Variants in DPF3 observed in about 807,000 individuals in gnomAD.
The protein encoded by DPF3 is double PHD fingers 3.
DPF3 carries 18 observed loss-of-function variants against 56.8 expected under a neutral mutation model. The ratio of observed to expected loss-of-function variants is 0.32; its 90% confidence interval spans 0.22 to 0.47. DPF3 has a LOEUF of 0.47. DPF3 is among the 20% of genes least tolerant of loss of function. The probability of loss-of-function intolerance (pLI) is 1.00; values close to 1 mark genes in which losing one functional copy is unlikely to be tolerated. For synonymous variants in DPF3, 188 were observed against 180.2 expected, an observed-to-expected ratio of 1.04 and a Z score of -0.35; for missense variants, 403 against 488.8, an observed-to-expected ratio of 0.82 and a Z score of 1.65.
chr14:72,805,307 C>T (rs537276366), intron 1 of DPF3, among the ~76,000 whole-genome samples: 90 of 151,708 alleles, frequency 5.9e-4, no homozygotes, highest in African/African-American at 2.1e-3. Flanking sequence ...CCTGTCTCTA[C>T]TAAAAATACA....
chr14:72,835,957 T>C (rs1307882274), intron 1 of DPF3: 3 of 795,446 alleles, frequency 3.8e-6, no homozygotes, highest in African/African-American at 3.8e-5. Context: ...CTAAAACCTG[T>C]GCGTTGTGTT....
At chr14:72,799,865 A>C (rs1892799926) in intron 1 of DPF3, among the ~76,000 whole-genome samples, 1 of 152,156 alleles carries the variant, frequency 6.6e-6, no homozygotes, top group African/African-American at 2.4e-5. Context: ...AAAGGATGCC[A>C]ATGTAAAGAA....
At chr14:72,827,544 C>T (rs1003668994) in intron 1 of DPF3, among the ~76,000 whole-genome samples, 3 of 126,588 alleles carry the variant, frequency 2.4e-5, no homozygotes, top group East Asian at 2.4e-4. Flanking sequence ...TGCACAATCT[C>T]GGCTCACTGC....
At chr14:72,695,107 T>C (rs143369808) in intron 6 of DPF3, among the ~76,000 whole-genome samples, 132 of 152,362 alleles carry the variant, frequency 8.7e-4, no homozygotes, top group Non-Finnish European at 1.5e-3. Flanking sequence ...TTCAATTTTA[T>C]GGTGATGTTG....
At chr14:72,892,230 G>A in intron 1 of DPF3, 3 of 1,535,502 alleles carry the variant, frequency 2.0e-6, no homozygotes, top group Non-Finnish European at 1.7e-6. Flanking sequence ...TGGAAATGGG[G>A]AAACTGAAAA....
At chr14:72,873,979 G>A (rs1257350202) in intron 1 of DPF3, among the ~76,000 whole-genome samples, 3 of 151,472 alleles carry the variant, frequency 2.0e-5, no homozygotes, top group African/African-American at 4.8e-5. Context: ...GTTAAATGAC[G>A]AGTTAATGGG....
intron 2 of DPF3, among the ~76,000 whole-genome samples, chr14:72,760,559 G>A (rs560835147): frequency 1.3e-5 from 2 of 152,256 alleles, no homozygotes; most frequent in East Asian, 3.9e-4. Context: ...GTGAGGAGGG[G>A]CCTTATTCTA....
chr14:72,752,766 C>A (rs1309694515), intron 3 of DPF3, among the ~76,000 whole-genome samples: 2 of 152,214 alleles, frequency 1.3e-5, no homozygotes, highest in East Asian at 3.8e-4. Flanking sequence ...ATCTCAAACT[C>A]TTCCATCCTC....
At chr14:72,723,869 C>A in intron 4 of DPF3, 141 bp from the exon 5 acceptor site, 1 of 765,188 alleles carries the variant, frequency 1.3e-6, no homozygotes, top group East Asian at 2.9e-5. Context: ...GCAGTTGGGC[C>A]CTCTGAAATG....
At chr14:72,814,706 T>G (rs1211233165) in intron 1 of DPF3, among the ~76,000 whole-genome samples, 4 of 152,010 alleles carry the variant, frequency 2.6e-5, no homozygotes, top group Non-Finnish European at 4.4e-5. Flanking sequence ...GCCCAGCTAC[T>G]TGGGAGGCTG....
At chr14:72,746,827 A>G (rs1473557169) in intron 3 of DPF3, among the ~76,000 whole-genome samples, 1 of 152,204 alleles carries the variant, frequency 6.6e-6, no homozygotes, top group Non-Finnish European at 1.5e-5. Context: ...TCACAGATAC[A>G]AGACGCCATG....
chr14:72,739,917 A>G (rs550078332), intron 3 of DPF3, among the ~76,000 whole-genome samples: 1 of 152,348 alleles, frequency 6.6e-6, no homozygotes, highest in South Asian at 2.1e-4. Context: ...ACAATACATG[A>G]AGCAAACAAG....
At position 72,614,620 on chromosome 14, in the gene DPF3, G is replaced by T. The variant is rs537493491; in HGVS notation, c.*4677C>A. 1.1e-4 allele frequency among the ~76,000 whole-genome samples: 17 copies of T among 152,100 alleles called. No homozygotes were observed. The highest frequency in any genetic ancestry group is 3.9e-4 in the African/African-American group (16 of 41,472). On this transcript the variant is annotated 3_prime_UTR_variant, in exon 11 of 11. Transcript: ENST00000556509. The stretch of plus-strand genomic sequence containing the variant: ...CCTTCTCTCCCCAGCTGGGTGAGGG[G>T]CTTACTTTGCCCTCAGAAGCATCCC...
chr14:72,819,955 A>T (rs1883460360), intron 1 of DPF3, among the ~76,000 whole-genome samples: 1 of 152,164 alleles, frequency 6.6e-6, no homozygotes. Context: ...AACAAAAGGT[A>T]GATAGTGTAT....
At chr14:72,770,380 A>G (rs1891471847) in intron 2 of DPF3, among the ~76,000 whole-genome samples, 1 of 152,214 alleles carries the variant, frequency 6.6e-6, no homozygotes, top group Admixed American at 6.5e-5. Flanking sequence ...AGACACATTA[A>G]CCAGTTGCAA....
At chr14:72,874,167 GA>G (rs35001992) in intron 1 of DPF3, among the ~76,000 whole-genome samples, 25,295 of 137,188 alleles carry the variant, frequency 0.18, 2,705 homozygotes, top group East Asian at 0.49. Context: ...AAATCAATAA[GA>G]AAAAAAAAAA....
intron 1 of DPF3, among the ~76,000 whole-genome samples, chr14:72,772,678 T>C (rs1891583132): frequency 6.6e-6 from 1 of 152,220 alleles, no homozygotes; most frequent in Non-Finnish European, 1.5e-5. Context: ...GGACACGTGG[T>C]GATGCTACTA....
chr14:72,655,670 CA>C (rs1886043175), intron 8 of DPF3, among the ~76,000 whole-genome samples: 1 of 152,136 alleles, frequency 6.6e-6, no homozygotes, highest in Non-Finnish European at 1.5e-5. Context: ...CTCATGCTAC[CA>C]AAACAATGGA....
At chr14:72,892,185 A>G in intron 1 of DPF3, 1 of 1,535,482 alleles carries the variant, frequency 6.5e-7, no homozygotes, top group Non-Finnish European at 8.7e-7. Flanking sequence ...ACTTGAGTTT[A>G]CCAGGTGGCA....
Sources: gnomAD v4.1 joint callset for allele counts (sites outside exome capture counted in the v4.1 genomes callset) on GRCh38, gnomAD v4.1.1 for gene constraint, MANE v1.5 for transcripts, NCBI Gene and HGNC (gene_info 2026-07-23, HGNC 2026-07-21) for gene names.